FRMPD4: variants seen among roughly 807,000 people sequenced by gnomAD.
FRMPD4 encodes the protein FERM and PDZ domain containing 4, also known as FERM and PDZ domain-containing protein 4.
FRMPD4 carries 22 observed loss-of-function variants against 94.1 expected under a neutral mutation model. That is an observed-to-expected ratio of 0.23 (90% confidence interval 0.17 to 0.33). The LOEUF is 0.33. Among genes scored for constraint, FRMPD4 ranks in the 10% least tolerant of loss-of-function variants. FRMPD4 has a pLI of 1.00. For synonymous variants in FRMPD4, 631 were observed against 548.6 expected, an observed-to-expected ratio of 1.15 and a Z score of -2.10; for missense variants, 1,111 against 1,339.9, an observed-to-expected ratio of 0.83 and a Z score of 2.67.
intron 3 of FRMPD4, among the ~76,000 whole-genome samples, chrX:11,909,930 T>C (rs2053987897): frequency 9.0e-6 from 1 of 111,475 alleles, no homozygotes; most frequent in Non-Finnish European, 1.9e-5. Flanking sequence ...TATTGAGCCT[T>C]GTTTTATGTC....
intron 1 of FRMPD4, among the ~76,000 whole-genome samples, chrX:12,226,682 T>A (rs2056926676): frequency 1.8e-5 from 2 of 111,073 alleles, no homozygotes; most frequent in Non-Finnish European, 3.8e-5. Flanking sequence ...GAGCCCCCAT[T>A]TCCACAGGGC....
intron 2 of FRMPD4, among the ~76,000 whole-genome samples, chrX:12,499,492 A>T (rs1165919149): frequency 8.9e-6 from 1 of 112,252 alleles, no homozygotes; most frequent in African/African-American, 3.2e-5. Flanking sequence ...TACCCGAAAG[A>T]ATCTTTGTAC....
chrX:12,461,899 A>C lies in FRMPD4; in HGVS notation c.42-36781A>C, dbSNP rs1391261945. 2.7e-5 allele frequency among the ~76,000 whole-genome samples: 3 copies of C among 111,728 alleles called. No individual in the cohort carries two copies. The Admixed American group carries it at 2.9e-4, about 11-fold the overall frequency. On this transcript the variant is annotated intron_variant, in intron 1 of 16. Coordinates refer to ENST00000675598, the MANE Select transcript of FRMPD4 (RefSeq NM_001368397.1). ...ACCCCTGTAACTGTGAGTTTTGGTG[A>C]AATAATACCATGGTAAATAAACAAA...
intron 3 of FRMPD4, among the ~76,000 whole-genome samples, chrX:12,069,508 A>G (rs776358603): frequency 1.8e-5 from 2 of 112,037 alleles, no homozygotes; most frequent in African/African-American, 6.5e-5. Flanking sequence ...CAGTGGATAT[A>G]CATCTTTAGA....
chrX:12,646,187 T>C (rs1011223144), intron 4 of FRMPD4, among the ~76,000 whole-genome samples: 5 of 112,297 alleles, frequency 4.5e-5, no homozygotes, highest in Admixed American at 1.9e-4. Context: ...CTTTATATAA[T>C]GTTTCATGTA....
intron 1 of FRMPD4, among the ~76,000 whole-genome samples, chrX:12,296,723 G>A (rs991624546): frequency 1.5e-4 from 17 of 112,267 alleles, no homozygotes; most frequent in African/African-American, 5.5e-4. Context: ...ACTTCCCTTC[G>A]GCTCCTGATC....
intron 5 of FRMPD4, among the ~76,000 whole-genome samples, chrX:12,680,258 G>C (rs1425770707): frequency 8.9e-6 from 1 of 111,841 alleles, no homozygotes; most frequent in Non-Finnish European, 1.9e-5. Flanking sequence ...ATTAACAGTA[G>C]GAGAATCTGA....
At chrX:12,528,776 G>T (rs767326566) in intron 2 of FRMPD4, among the ~76,000 whole-genome samples, 7 of 112,039 alleles carry the variant, frequency 6.2e-5, no homozygotes, top group Non-Finnish European at 9.4e-5. Flanking sequence ...CATCTTGACC[G>T]TTGTTCCAAG....
intron 2 of FRMPD4, among the ~76,000 whole-genome samples, chrX:12,587,020 A>G (rs2058935576): frequency 9.3e-6 from 1 of 108,074 alleles, no homozygotes; most frequent in South Asian, 4.0e-4. Flanking sequence ...TCTGTCGCCC[A>G]GGCTGGAGTG....
chrX:12,149,810 C>T (rs969654272), intron 1 of FRMPD4, among the ~76,000 whole-genome samples: 1 of 111,637 alleles, frequency 9.0e-6, no homozygotes, highest in Non-Finnish European at 1.9e-5. Context: ...AAGAGTCAGT[C>T]AACACAGCAA....
intron 1 of FRMPD4, among the ~76,000 whole-genome samples, chrX:11,840,062 A>C (rs767674388): frequency 9.0e-6 from 1 of 111,646 alleles, no homozygotes; most frequent in South Asian, 3.7e-4. Context: ...TTAACGCTGC[A>C]TTTCCATATA....
Position 12,426,037 on chromosome X carries a change from A to G in FRMPD4, c.42-72643A>G, listed in dbSNP as rs1013244322. On this transcript the variant is annotated intron_variant, in intron 1 of 16. Coordinates refer to ENST00000675598, the MANE Select transcript of FRMPD4 (RefSeq NM_001368397.1). ...TTCCATATATACTAAACCATTAAAA[A>G]TTCTAGAAAGTTATTTTTCAAATCA... 6.2e-5 allele frequency among the ~76,000 whole-genome samples: 7 copies of G among 112,306 alleles called. No homozygotes were observed. The Admixed American group carries it at 6.6e-4, about 11-fold the overall frequency.
chrX:11,875,869 AT>A (rs869076863), intron 2 of FRMPD4, among the ~76,000 whole-genome samples: 711 of 57,236 alleles, frequency 0.012, 12 homozygotes, highest in African/African-American at 0.047. Context: ...CCACTTGAGG[AT>A]TTTTTTTTTT....
intron 1 of FRMPD4, among the ~76,000 whole-genome samples, chrX:11,844,256 C>T (rs2147282528): frequency 9.1e-6 from 1 of 110,240 alleles, no homozygotes; most frequent in Admixed American, 9.6e-5. Context: ...CTCAGCCTCC[C>T]CAAGTGCTGG....
intron 3 of FRMPD4, among the ~76,000 whole-genome samples, chrX:12,115,065 CA>C (rs1393687699): frequency 8.9e-6 from 1 of 111,986 alleles, no homozygotes; most frequent in African/African-American, 3.2e-5. Context: ...AGATTCCTAA[CA>C]GGGGTAGACC....
chrX:12,174,439 T>C (rs1168198783), intron 1 of FRMPD4, among the ~76,000 whole-genome samples: 1 of 112,095 alleles, frequency 8.9e-6, no homozygotes, highest in Non-Finnish European at 1.9e-5. Context: ...TCAGGGGCAG[T>C]GGAGGCCTAG....
At chrX:12,112,112 G>A (rs1329902282) in intron 3 of FRMPD4, among the ~76,000 whole-genome samples, 1 of 111,879 alleles carries the variant, frequency 8.9e-6, no homozygotes, top group Admixed American at 9.5e-5. Context: ...AAAGACACAT[G>A]CACACGTATG....
At chrX:12,610,462 T>G (rs1046657861) in intron 3 of FRMPD4, among the ~76,000 whole-genome samples, 2 of 112,594 alleles carry the variant, frequency 1.8e-5, no homozygotes, top group Non-Finnish European at 3.8e-5. Context: ...AGAAGAGAGT[T>G]TTTGGCTGGG....
At chrX:12,293,063 G>A (rs1242932160) in intron 1 of FRMPD4, among the ~76,000 whole-genome samples, 2 of 110,299 alleles carry the variant, frequency 1.8e-5, no homozygotes, top group Non-Finnish European at 3.8e-5. Context: ...ACTGACTATG[G>A]TGTGTTGTTA....
Sources: gnomAD v4.1 joint callset for allele counts (sites outside exome capture counted in the v4.1 genomes callset) on GRCh38, gnomAD v4.1.1 for gene constraint, MANE v1.5 for transcripts, NCBI Gene and HGNC (gene_info 2026-07-23, HGNC 2026-07-21) for gene names.